The following KHDRBS2 variants were observed in gnomAD, a reference collection of about 807,000 sequenced individuals.
KHDRBS2 encodes KH domain-containing, RNA-binding, signal transduction-associated protein 2.
KHDRBS2 carries 26 observed loss-of-function variants against 44.3 expected under a neutral mutation model. The ratio of observed to expected loss-of-function variants is 0.59; its 90% CI spans 0.43 to 0.81. KHDRBS2 has a LOEUF of 0.81. KHDRBS2 is among the 40% of genes least tolerant of loss of function. The pLI, the probability that KHDRBS2 is intolerant of heterozygous loss-of-function variation, is 0.00. For missense variants in KHDRBS2, 476 were observed against 433.1 expected (o/e 1.10, Z -0.88); for synonymous variants, 194 against 151.1 (o/e 1.28, Z -2.08).
chr6:62,277,263 A>T (rs1045709412), intron 1 of KHDRBS2, among the ~76,000 whole-genome samples: 1 of 152,128 alleles, frequency 6.6e-6, no homozygotes, highest in African/African-American at 2.4e-5. Context: ...TATAAACCCC[A>T]TAAATTAAAC....
At chr6:61,781,813 G>A (rs939431999) in intron 6 of KHDRBS2, among the ~76,000 whole-genome samples, 1 of 152,150 alleles carries the variant, frequency 6.6e-6, no homozygotes, top group Non-Finnish European at 1.5e-5. Context: ...GGGAGATAGA[G>A]AAGAAACCTT....
chr6:61,615,709 T>C, the KHDRBS2 span, among the ~76,000 whole-genome samples: 1 of 152,186 alleles, frequency 6.6e-6, no homozygotes, highest in Non-Finnish European at 1.5e-5. Flanking sequence ...CATTGAAACA[T>C]TTTGGATTTT....
intron 6 of KHDRBS2, among the ~76,000 whole-genome samples, chr6:61,857,934 T>C (rs757738495): frequency 1.3e-5 from 2 of 152,016 alleles, no homozygotes; most frequent in Non-Finnish European, 2.9e-5. Flanking sequence ...TTAAAATTTA[T>C]ATTATAATAC....
chr6:61,748,728 T>C (rs538080031), intron 6 of KHDRBS2, among the ~76,000 whole-genome samples: 1 of 152,246 alleles, frequency 6.6e-6, no homozygotes, highest in South Asian at 2.1e-4. Flanking sequence ...TAGTGATTCA[T>C]TTCTTTCCAA....
the KHDRBS2 span, among the ~76,000 whole-genome samples, chr6:61,602,234 C>G: frequency 2.0e-5 from 3 of 152,126 alleles, no homozygotes; most frequent in Non-Finnish European, 2.9e-5. Flanking sequence ...ACCCAAGTAG[C>G]AATGTATTTT....
In KHDRBS2 at chr6:62,122,837, GTAATTTT is replaced by G. The variant is rs2150083907; in HGVS notation, c.219+54341_219+54347del. 2.0e-5 allele frequency among the ~76,000 whole-genome samples: 3 copies of G among 148,510 alleles called. 1 individual carries two copies. The highest frequency in any genetic ancestry group is 2.2e-4 in the South Asian group (1 of 4,628). On this transcript the variant is annotated intron_variant, in intron 2 of 8. Transcript: ENST00000281156. ...ATCATCAGAGTACTTGGAATAAACT[GTAATTTT>G]CTTTTAAAAAGGTTTTATTTTTTCA... is the stretch of plus-strand genomic sequence containing the variant.
intron 2 of KHDRBS2, among the ~76,000 whole-genome samples, chr6:62,125,909 A>C (rs1473690435): frequency 1.3e-5 from 2 of 152,138 alleles, no homozygotes; most frequent in African/African-American, 4.8e-5. Context: ...TATGATCCAG[A>C]ATATTCCAAG....
intron 4 of KHDRBS2, among the ~76,000 whole-genome samples, chr6:61,951,225 G>A (rs545451718): frequency 3.3e-5 from 5 of 152,120 alleles, no homozygotes; most frequent in African/African-American, 1.2e-4. Flanking sequence ...GAGAAAAGGT[G>A]TCTTTGCTGC....
chr6:61,558,887 T>A, the KHDRBS2 span, among the ~76,000 whole-genome samples: 64 of 152,286 alleles, frequency 4.2e-4, no homozygotes, highest in East Asian at 6.4e-3. Context: ...GGAATATGTG[T>A]TCTGCAGCCA....
intron 6 of KHDRBS2, among the ~76,000 whole-genome samples, chr6:61,851,324 A>T (rs1413680158): frequency 6.6e-6 from 1 of 151,784 alleles, no homozygotes; most frequent in Non-Finnish European, 1.5e-5. Flanking sequence ...TATATCTCCT[A>T]CTTACTTTAA....
At chr6:62,215,594 T>G (rs541351) in intron 1 of KHDRBS2, among the ~76,000 whole-genome samples, 26,478 of 151,732 alleles carry the variant, frequency 0.17, 2,817 homozygotes, top group African/African-American at 0.26. Flanking sequence ...ATACATATAA[T>G]ATTTAAATTA....
intron 1 of KHDRBS2, among the ~76,000 whole-genome samples, chr6:62,231,306 A>G (rs190789012): frequency 6.4e-4 from 97 of 152,354 alleles, no homozygotes; most frequent in African/African-American, 2.1e-3. Context: ...ACTTACAATC[A>G]TGGCAGAAGG....
Position 61,929,393 on chromosome 6 carries a change from T to G in KHDRBS2, c.484-28022A>C, listed in dbSNP as rs191321312. Among the ~76,000 whole-genome samples, 10 of 152,348 alleles carry G rather than the reference T, an allele frequency of 6.6e-5. No homozygotes were observed. In the East Asian group the frequency reaches 1.9e-3, roughly 29 times the overall value. ...AAAAGTGAACATCAGTTTTTCAACC[T>G]GCACCAATTTGGCTTAAGGAATATT... On this transcript the variant is annotated intron_variant, in intron 4 of 8. Transcript: ENST00000281156.
chr6:61,865,972 C>T (rs763423957), intron 6 of KHDRBS2, among the ~76,000 whole-genome samples: 1 of 152,226 alleles, frequency 6.6e-6, no homozygotes, highest in Non-Finnish European at 1.5e-5. Context: ...AAGCCTTCCT[C>T]CCAGCTGCTT....
At chr6:62,220,255 T>G (rs1312941889) in intron 1 of KHDRBS2, among the ~76,000 whole-genome samples, 1 of 151,846 alleles carries the variant, frequency 6.6e-6, no homozygotes, top group African/African-American at 2.4e-5. Context: ...ACCAACAAAC[T>G]TGTACAATTT....
chr6:61,942,799 AAGAG>A (rs1443040284), intron 4 of KHDRBS2, among the ~76,000 whole-genome samples: 1 of 152,094 alleles, frequency 6.6e-6, no homozygotes, highest in East Asian at 1.9e-4. Flanking sequence ...GTGAAAAACA[AAGAG>A]AGAATTATAA....
chr6:61,595,824 C>T, the KHDRBS2 span, among the ~76,000 whole-genome samples: 1 of 151,614 alleles, frequency 6.6e-6, no homozygotes, highest in Non-Finnish European at 1.5e-5. Flanking sequence ...ATTTAACTTA[C>T]AAATGACTCA....
rs1363727004 is a variant in KHDRBS2 at position 61,894,786 on chromosome 6, A to G, written c.659T>C (p.Val220Ala). ...IPPPPPPGRGVLTPRGSTVTR... is the reference protein window; with the variant it reads ...IPPPPPPGRGALTPRGSTVTR... The stretch of plus-strand genomic sequence containing the variant: ...TACAGTGCTTCCCCGAGGGGTGAGA[A>G]CACCTCGTCCAGGTGGTGGGGGAGG... The change falls in exon 6 of 9, where the codon GTT becomes GCT. Residue 220 changes from valine (V) to alanine (A), a missense_variant. Transcript: ENST00000281156. 3.1e-6 allele frequency: 5 copies of G among 1,612,938 alleles called. No individual in the cohort carries two copies. Among genetic ancestry groups the G allele is most frequent in the Non-Finnish European group, 4.2e-6 (5 of 1,179,664 alleles).
intron 2 of KHDRBS2, among the ~76,000 whole-genome samples, chr6:62,096,121 G>A (rs1172788733): frequency 6.6e-6 from 1 of 151,912 alleles, no homozygotes; most frequent in Non-Finnish European, 1.5e-5. Flanking sequence ...TGGTTTGCTA[G>A]TATTTTGGTG....
Sources: allele counts gnomAD v4.1 joint callset (sites outside exome capture counted in the v4.1 genomes callset), GRCh38; gene constraint gnomAD v4.1.1; transcripts MANE v1.5; gene names NCBI Gene and HGNC (gene_info 2026-07-23, HGNC 2026-07-21).